Variants in TTC39C observed in about 807,000 individuals in gnomAD.
The protein encoded by TTC39C is tetratricopeptide repeat protein 39C.
In TTC39C, 33 loss-of-function variants were observed where a neutral mutation model predicts 76.3. The observed-to-expected ratio is 0.43, with a 90% CI of 0.33 to 0.58. The LOEUF is 0.58. Ranked by LOEUF, TTC39C falls within the 20% of genes least tolerant of loss-of-function variation. The pLI, the probability that TTC39C is intolerant of heterozygous loss-of-function variation, is 0.04. For synonymous variants in TTC39C, 254 were observed against 260.6 expected (o/e 0.97, Z 0.24); for missense variants, 595 against 701.4 (o/e 0.85, Z 1.71).
At chr18:24,014,740 T>TTCTCC (rs2083427460), upstream of TTC39C, 3 of 1,141,150 alleles carry the variant, frequency 2.6e-6, no homozygotes, top group Non-Finnish European at 3.2e-6. Flanking sequence ...CCCTCCCGTC[T>TTCTCC]TCTCCCCTCC....
chr18:24,121,312 C>T (rs556817518), intron 8 of TTC39C, among the ~76,000 whole-genome samples: 1 of 152,246 alleles, frequency 6.6e-6, no homozygotes, highest in South Asian at 2.1e-4. Flanking sequence ...GTGGCTCACC[C>T]CTGTAATCCC....
At chr18:24,087,348 T>C (rs2084453502) in intron 6 of TTC39C, among the ~76,000 whole-genome samples, 1 of 152,196 alleles carries the variant, frequency 6.6e-6, no homozygotes, top group Admixed American at 6.5e-5. Context: ...TTTACACAAC[T>C]TTTTTCTCTT....
At chr18:24,063,401 C>A (rs2084123265) in intron 1 of TTC39C, among the ~76,000 whole-genome samples, 1 of 151,916 alleles carries the variant, frequency 6.6e-6, no homozygotes, top group South Asian at 2.1e-4. Flanking sequence ...ACATTTGTAA[C>A]AAGTTTTGCA....
chr18:23,994,870 A>C lies in TTC39C; in HGVS notation c.-17+1832A>C, dbSNP rs144990777. On this transcript the variant is annotated intron_variant, in intron 1 of 13. Transcript: ENST00000304621. ...GAGACTCTGATTTCATTGGTCTGGG[A>C]GTGGCCTGGACATCAGGATCTTTTC... 6.2e-3 allele frequency among the ~76,000 whole-genome samples: 944 copies of C among 152,224 alleles called. 8 individuals carry two copies. The Middle Eastern group carries it at 0.068, about 11-fold the overall frequency.
chr18:24,017,935 A>G (rs928413461), intron 1 of TTC39C, among the ~76,000 whole-genome samples: 2 of 152,238 alleles, frequency 1.3e-5, no homozygotes, highest in Non-Finnish European at 2.9e-5. Context: ...CCTTACTAGA[A>G]TGGTGAAAGT....
chr18:24,000,228 G>C (rs1303829750), intron 1 of TTC39C, among the ~76,000 whole-genome samples: 2 of 152,184 alleles, frequency 1.3e-5, no homozygotes, highest in African/African-American at 4.8e-5. Context: ...GCCCTTATAG[G>C]GAGATAGGGT....
intron 1 of TTC39C, among the ~76,000 whole-genome samples, chr18:23,999,396 G>C (rs1308151152): frequency 2.0e-5 from 3 of 152,190 alleles, no homozygotes; most frequent in African/African-American, 7.2e-5. Flanking sequence ...GGGCCATATG[G>C]AGCCACCACA....
In TTC39C at chr18:24,064,186, T is replaced by C. The variant is rs1391124444; in HGVS notation, c.214T>C (p.Leu72=). 1.2e-6 allele frequency: 2 copies of C among 1,613,838 alleles called. No individual in the cohort carries two copies. Among genetic ancestry groups the C allele is most frequent in the South Asian group, 2.2e-5 (2 of 91,058 alleles). ...MSFGASFVSF[L]NAMMTFEEEK... is the part of the protein sequence containing the mutation. Reference sequence around the variant, plus strand: ...TTTTGGAGCCAGCTTTGTCAGTTTTTTGGTAAGTTGATATCTTAAGACCTA... The same window carrying C: ...TTTTGGAGCCAGCTTTGTCAGTTTTCTGGTAAGTTGATATCTTAAGACCTA... The change falls in exon 2 of 14, where the codon TTG becomes CTG. Residue 72 remains leucine (L), a splice_region_variant and synonymous_variant. Coordinates refer to ENST00000317571, the MANE Select transcript of TTC39C (RefSeq NM_001135993.2).
intron 1 of TTC39C, among the ~76,000 whole-genome samples, chr18:24,026,521 G>A (rs776448700): frequency 9.9e-5 from 15 of 152,076 alleles, no homozygotes; most frequent in African/African-American, 1.9e-4. Context: ...TATGTTATAG[G>A]GCACCTTGAT....
chr18:24,030,585 T>G (rs1430800613), intron 1 of TTC39C, among the ~76,000 whole-genome samples: 1 of 151,140 alleles, frequency 6.6e-6, no homozygotes, highest in African/African-American at 2.4e-5. Flanking sequence ...GCTGTTCGTG[T>G]GTCACTGTGT....
intron 1 of TTC39C, among the ~76,000 whole-genome samples, chr18:24,018,220 G>A (rs1048346990): frequency 1.3e-5 from 2 of 152,178 alleles, no homozygotes; most frequent in African/African-American, 4.8e-5. Context: ...GCACTTTGAG[G>A]TGTTTTCCCA....
intron 13 of TTC39C, 67 bp downstream of exon 13, chr18:24,131,987 G>C (rs1599356784): frequency 6.9e-7 from 1 of 1,448,230 alleles, no homozygotes; most frequent in East Asian, 2.4e-5. Flanking sequence ...ACCTGAGTCT[G>C]AATTCAAGAA....
At chr18:24,110,205 AT>A (rs1274741285) in intron 6 of TTC39C, among the ~76,000 whole-genome samples, 1 of 152,242 alleles carries the variant, frequency 6.6e-6, no homozygotes, top group Non-Finnish European at 1.5e-5. Flanking sequence ...ATGGTATTTA[AT>A]AAAATGTACT....
intron 6 of TTC39C, among the ~76,000 whole-genome samples, chr18:24,105,541 C>T (rs1004764318): frequency 6.2e-4 from 94 of 152,198 alleles, no homozygotes; most frequent in African/African-American, 2.1e-3. Flanking sequence ...CACACACTTG[C>T]AGGCAGGCAC....
chr18:23,994,850 T>A (rs1237680854), intron 1 of TTC39C, among the ~76,000 whole-genome samples: 1 of 152,116 alleles, frequency 6.6e-6, no homozygotes, highest in Non-Finnish European at 1.5e-5. Context: ...CCTCAGAGAC[T>A]CTGATTTCAT....
chr18:24,080,589 T>TCC lies in TTC39C; in HGVS notation c.465_466insCC (p.Ile156ProfsTer33). 3.1e-6 allele frequency: 5 copies of TCC among 1,594,180 alleles called. No homozygotes were observed. Among genetic ancestry groups the TCC allele is most frequent in the Non-Finnish European group, 4.3e-6 (5 of 1,171,394 alleles). On this transcript the variant is annotated frameshift_variant, in exon 5 of 14. Coordinates refer to ENST00000317571, the MANE Select transcript of TTC39C (RefSeq NM_001135993.2). LOFTEE classifies it high-confidence loss of function. ...TTTCTCCCCTTCTCTTTTTAGCTTA[T>TCC]ATCAAAGGTGGGTGGATCCTTAGGA...
intron 1 of TTC39C, among the ~76,000 whole-genome samples, chr18:24,019,493 G>A (rs917312789): frequency 6.6e-6 from 1 of 152,300 alleles, no homozygotes; most frequent in East Asian, 1.9e-4. Context: ...AAAATGTATA[G>A]TAAGTAATGT....
chr18:24,021,521 T>A (rs1228877219), intron 1 of TTC39C, among the ~76,000 whole-genome samples: 1 of 151,398 alleles, frequency 6.6e-6, no homozygotes, highest in African/African-American at 2.4e-5. Context: ...GCTGGGGTTT[T>A]GCTTTTTTTC....
chr18:24,049,727 G>T (rs1016084786), intron 1 of TTC39C, among the ~76,000 whole-genome samples: 1 of 152,160 alleles, frequency 6.6e-6, no homozygotes, highest in Non-Finnish European at 1.5e-5. Context: ...TGGCCCAGGC[G>T]GGAACCCTCA....
Sources: gnomAD v4.1 joint callset for allele counts (sites outside exome capture counted in the v4.1 genomes callset) on GRCh38, gnomAD v4.1.1 for gene constraint, MANE v1.5 for transcripts, NCBI Gene and HGNC (gene_info 2026-07-23, HGNC 2026-07-21) for gene names.